Variants in ZNF277 observed in about 807,000 individuals in gnomAD.
ZNF277 encodes nuclear receptor-interacting factor 4.
A neutral mutation model predicts 60.7 loss-of-function variants in ZNF277; 55 were observed. The ratio of observed to expected loss-of-function variants is 0.91; its 90% CI spans 0.73 to 1.13. The LOEUF (loss-of-function observed/expected upper bound fraction) is 1.13. Among genes scored for constraint, ZNF277 ranks in the 50% most tolerant of loss-of-function variants. The probability of loss-of-function intolerance (pLI) is 0.00; values close to 1 mark genes in which losing one functional copy is unlikely to be tolerated. For synonymous variants in ZNF277, 178 were observed against 179.3 expected (o/e 0.99, Z 0.06); for missense variants, 510 against 523.0 (o/e 0.98, Z 0.24).
At chr7:112,336,282 C>T in intron 8 of ZNF277, 111 bp downstream of exon 8, 1 of 913,520 alleles carries the variant, frequency 1.1e-6, no homozygotes, top group Non-Finnish European at 1.6e-6. Flanking sequence ...AAAATACCTT[C>T]TCTGAGCCAT....
intron 4 of ZNF277, 88 bp downstream of exon 4, chr7:112,296,399 T>C: frequency 1.5e-6 from 1 of 658,616 alleles, no homozygotes; most frequent in Non-Finnish European, 2.4e-6. Context: ...TTTTTTACTT[T>C]TTGTTATGGA....
At chr7:112,256,421 G>GTTTTTTT (rs779126085) in intron 1 of ZNF277, among the ~76,000 whole-genome samples, 4 of 95,384 alleles carry the variant, frequency 4.2e-5, no homozygotes, top group Non-Finnish European at 8.0e-5. Context: ...CTTCTTTGGA[G>GTTTTTTT]TTTTTTTTTT....
Position 112,327,832 on chromosome 7 carries a change from G to T in ZNF277, c.668+5G>T. 6.3e-7 allele frequency: 1 copy of T among 1,585,854 alleles called. No individual in the cohort carries two copies. The highest frequency in any genetic ancestry group is 8.6e-7 in the Non-Finnish European group (1 of 1,162,704). ...ATTACAGAAAAAGCTTGACAAGTAA[G>T]TACTGATTTATGAAACACTGCCTAA... On this transcript the variant is annotated splice_donor_5th_base_variant and intron_variant, in intron 6 of 11. Coordinates refer to ENST00000361822, the MANE Select transcript of ZNF277 (RefSeq NM_021994.3).
In ZNF277 at chr7:112,342,915, C is replaced by T. The variant is rs1039075637; in HGVS notation, c.*186C>T. On this transcript the variant is annotated 3_prime_UTR_variant, in exon 12 of 12. Transcript: ENST00000361822. ...AGTAGAAAAATGCACTTACTAAGAACATGAAAAAAAATGAAGTAGGAAAAT... is the reference window on the plus strand; with the variant it reads ...AGTAGAAAAATGCACTTACTAAGAATATGAAAAAAAATGAAGTAGGAAAAT... 54 of 408,514 alleles carry T rather than the reference C, an allele frequency of 1.3e-4. No homozygotes were observed. The highest frequency in any genetic ancestry group is 1.7e-4 in the Non-Finnish European group (40 of 238,512). 25.3% of individuals were successfully genotyped at this position (408,514 alleles called of 1,614,324 possible).
At chr7:112,229,838 G>A (rs770024514) in intron 1 of ZNF277, among the ~76,000 whole-genome samples, 32 of 152,176 alleles carry the variant, frequency 2.1e-4, no homozygotes, top group Non-Finnish European at 3.8e-4. Flanking sequence ...AGGCAGTTAG[G>A]GTAGGCTTCA....
At chr7:112,302,107 GTA>G (rs980430600) in intron 4 of ZNF277, among the ~76,000 whole-genome samples, 47 of 151,934 alleles carry the variant, frequency 3.1e-4, no homozygotes, top group Non-Finnish European at 6.3e-4. Context: ...CTGTATGAAG[GTA>G]TTTTTTTTAA....
chr7:112,283,382 G>A (rs562420089), intron 1 of ZNF277, among the ~76,000 whole-genome samples: 77 of 152,258 alleles, frequency 5.1e-4, no homozygotes, highest in Non-Finnish European at 1.0e-3. Context: ...AATTAGCAGG[G>A]TGTAGTGGCA....
intron 1 of ZNF277, among the ~76,000 whole-genome samples, chr7:112,232,105 T>C (rs920311420): frequency 6.7e-6 from 1 of 148,208 alleles, no homozygotes; most frequent in Non-Finnish European, 1.5e-5. Context: ...GAAAGTTATC[T>C]CAAAGCCCTT....
chr7:112,330,005 T>C, intron 6 of ZNF277, 79 bp from the exon 7 acceptor site: 4 of 1,472,688 alleles, frequency 2.7e-6, no homozygotes, highest in Non-Finnish European at 3.6e-6. Flanking sequence ...TGAATAAATA[T>C]GAAACTCAAT....
intron 1 of ZNF277, among the ~76,000 whole-genome samples, chr7:112,282,231 T>C (rs905911007): frequency 3.3e-5 from 5 of 152,230 alleles, no homozygotes; most frequent in African/African-American, 1.2e-4. Context: ...CAGAGATATT[T>C]GCTCTTGTTG....
At chr7:112,246,720 G>T (rs777775170) in intron 1 of ZNF277, among the ~76,000 whole-genome samples, 12 of 152,238 alleles carry the variant, frequency 7.9e-5, no homozygotes, top group Non-Finnish European at 1.8e-4. Context: ...GCAGATTTAT[G>T]TGGAAGCAGG....
chr7:112,307,631 T>C (rs2117095134), intron 4 of ZNF277, among the ~76,000 whole-genome samples: 1 of 151,950 alleles, frequency 6.6e-6, no homozygotes, highest in Admixed American at 6.6e-5. Flanking sequence ...GCCAGGCTGG[T>C]CTCCAACTCC....
intron 1 of ZNF277, among the ~76,000 whole-genome samples, chr7:112,213,176 T>A: frequency 6.6e-6 from 1 of 151,760 alleles, no homozygotes; most frequent in Non-Finnish European, 1.5e-5. Flanking sequence ...AAAAGAAGAG[T>A]TTTCCTGCAC....
chr7:112,306,674 T>C (rs1405563184), intron 4 of ZNF277, among the ~76,000 whole-genome samples: 1 of 152,112 alleles, frequency 6.6e-6, no homozygotes, highest in African/African-American at 2.4e-5. Flanking sequence ...TACCTTCTTT[T>C]CCAGCCACCT....
chr7:112,342,172 C>G (rs928512934), intron 11 of ZNF277, among the ~76,000 whole-genome samples: 1 of 152,094 alleles, frequency 6.6e-6, no homozygotes, highest in Non-Finnish European at 1.5e-5. Flanking sequence ...AGAAAGATGT[C>G]ATTTTTAGCT....
At chr7:112,289,787 C>T (rs558437532) in intron 2 of ZNF277, among the ~76,000 whole-genome samples, 17 of 152,026 alleles carry the variant, frequency 1.1e-4, no homozygotes, top group African/African-American at 3.9e-4. Context: ...TGCAGTGGCA[C>T]GACCTTGGCT....
At chr7:112,225,175 AG>A in intron 1 of ZNF277, among the ~76,000 whole-genome samples, 1 of 152,338 alleles carries the variant, frequency 6.6e-6, no homozygotes, top group South Asian at 2.1e-4. Flanking sequence ...GATGAGGCCA[AG>A]AAAACTGGGT....
chr7:112,238,953 G>A (rs1490306582), intron 1 of ZNF277, among the ~76,000 whole-genome samples: 1 of 151,980 alleles, frequency 6.6e-6, no homozygotes, highest in Admixed American at 6.6e-5. Flanking sequence ...GGACCAGAAG[G>A]GTACCCACTG....
intron 4 of ZNF277, among the ~76,000 whole-genome samples, chr7:112,313,282 A>ATTTTTT (rs58333831): frequency 1.4e-5 from 2 of 145,794 alleles, no homozygotes; most frequent in African/African-American, 2.5e-5. Context: ...ATGTTTTAAA[A>ATTTTTT]TTTTTTTTTT....
Sources: allele counts gnomAD v4.1 joint callset (sites outside exome capture counted in the v4.1 genomes callset), GRCh38; gene constraint gnomAD v4.1.1; transcripts MANE v1.5; gene names NCBI Gene and HGNC (gene_info 2026-07-23, HGNC 2026-07-21).